The following AQR variants were observed in gnomAD, a reference collection of about 807,000 sequenced individuals.
The protein encoded by AQR is RNA helicase aquarius.
A neutral mutation model predicts 180.5 loss-of-function variants in AQR; 61 were observed. That is an observed-to-expected ratio of 0.34 (90% confidence interval 0.28 to 0.42). The LOEUF is 0.42. Ranked by LOEUF, AQR falls within the 10% of genes least tolerant of loss-of-function variation. The pLI, the probability that AQR is intolerant of heterozygous loss-of-function variation, is 1.00. For missense variants in AQR, 1,281 were observed against 1,798.3 expected, an observed-to-expected ratio of 0.71 and a Z score of 5.20; for synonymous variants, 551 against 588.8, an observed-to-expected ratio of 0.94 and a Z score of 0.93.
intron 4 of AQR, among the ~76,000 whole-genome samples, chr15:34,951,663 G>C (rs1043158621): frequency 1.5e-5 from 2 of 135,542 alleles, no homozygotes; most frequent in Non-Finnish European, 3.1e-5. Flanking sequence ...GAGCGAGACT[G>C]TCTCAAAAAA....
At position 34,852,332 on chromosome 15, in the gene AQR, G is replaced by C. The variant is rs1051139418; in HGVS notation, c.*4460C>G. The C allele has an allele frequency of 6.6e-6, 1 of 152,122 alleles. No individual in the cohort carries two copies. Among genetic ancestry groups the C allele is most frequent in the Non-Finnish European group, 1.5e-5 (1 of 68,062 alleles). The allele number at this position is 152,122 out of a possible 1,614,324, so 9.4% of individuals were successfully genotyped here. A position where few individuals can be genotyped will look rare whatever the true frequency, so the allele number is the denominator to read the frequency against. On this transcript the variant is annotated 3_prime_UTR_variant, in exon 35 of 35. Transcript: ENST00000156471. ...ACTACAGGTGCCTGCCACCATGGCT[G>C]GCTAATTTTTGTCTTTTTAGTAGAG...
chr15:34,940,627 G>C (rs1048151054), intron 8 of AQR, among the ~76,000 whole-genome samples: 1 of 152,160 alleles, frequency 6.6e-6, no homozygotes, highest in Non-Finnish European at 1.5e-5. Context: ...ATCCATGAGG[G>C]AGACGGACAA....
intron 14 of AQR, 113 bp downstream of exon 14, chr15:34,920,219 T>TTATC: frequency 1.5e-6 from 1 of 664,078 alleles, no homozygotes; most frequent in Non-Finnish European, 2.5e-6. Context: ...AAAATGGGAA[T>TTATC]TATCTGCCTA....
chr15:34,918,477 C>T, intron 14 of AQR, 99 bp from the exon 15 acceptor site: 1 of 1,401,926 alleles, frequency 7.1e-7, no homozygotes, highest in Non-Finnish European at 9.6e-7. Flanking sequence ...GTTATTGTAG[C>T]AGTTCAACAA....
At chr15:34,964,390 A>G in intron 1 of AQR, 100 bp from the exon 2 acceptor site, 5 of 957,050 alleles carry the variant, frequency 5.2e-6, no homozygotes, top group Non-Finnish European at 8.3e-6. Context: ...ACAAGGCCCT[A>G]CTCGGCACTG....
intron 6 of AQR, chr15:34,943,094 T>A (rs910755516): frequency 1.9e-6 from 3 of 1,611,596 alleles, no homozygotes; most frequent in Non-Finnish European, 2.5e-6. Context: ...TTAACGTCCC[T>A]AAAACCCGCC....
Position 34,910,291 on chromosome 15 carries a change from C to G in AQR, c.1507G>C (p.Val503Leu), listed in dbSNP as rs781109143. ...KPWQSEYGGVVFGGWARMAQP... is the reference protein window; with the variant it reads ...KPWQSEYGGVLFGGWARMAQP... ...GCCATTCGCGCCCAACCACCAAACA[C>G]TACACCGCCATATTCAGATTGCCTG... Residue 503 changes from valine (V) to leucine (L), a missense_variant, in exon 17 of 35, where the codon GTG (valine) becomes CTG (leucine). This residue lies in a region of AQR where 200 missense variants were observed against 293.4 expected (regional missense o/e 0.68). Coordinates refer to ENST00000156471, the MANE Select transcript of AQR (RefSeq NM_014691.3). 6.2e-7 allele frequency: 1 copy of G among 1,613,880 alleles called. No homozygotes were observed. The highest frequency in any genetic ancestry group is 1.3e-5 in the African/African-American group (1 of 74,928).
In AQR at chr15:34,964,218, A is replaced by G; in HGVS notation, c.132+16T>C. On this transcript the variant is annotated intron_variant, in intron 2 of 34. Coordinates refer to ENST00000156471, the MANE Select transcript of AQR (RefSeq NM_014691.3). ...TGTAACTTCTCAAGAATTATGTTGA[A>G]ACCAAAAATACTTACCTTTATATCA... The G allele has an allele frequency of 6.3e-7, 1 of 1,578,128 alleles. No individual in the cohort carries two copies. Among genetic ancestry groups the G allele is most frequent in the Non-Finnish European group, 8.7e-7 (1 of 1,150,354 alleles).
intron 33 of AQR, 36 bp downstream of exon 33, chr15:34,862,831 G>A (rs1165936539): frequency 1.2e-6 from 2 of 1,604,990 alleles, no homozygotes; most frequent in Admixed American, 1.7e-5. Context: ...CCACTCTGAG[G>A]AATGCTGTTT....
chr15:34,939,318 C>T (rs1039975428), intron 8 of AQR, among the ~76,000 whole-genome samples: 26 of 152,156 alleles, frequency 1.7e-4, no homozygotes, highest in African/African-American at 6.0e-4. Context: ...CCACCCGCCT[C>T]GGCCTCCCAA....
In AQR at chr15:34,961,014, A is replaced by C. The variant is rs1399165678; in HGVS notation, c.133-200T>G. Among the ~76,000 whole-genome samples the C allele has an allele frequency of 6.6e-5, 10 of 152,214 alleles. 1 individual carries two copies. The highest frequency in any genetic ancestry group is 6.5e-4 in the Admixed American group (10 of 15,272). On this transcript the variant is annotated intron_variant, in intron 2 of 34. Transcript: ENST00000156471. Reference sequence around the variant, plus strand: ...GAAATTAACAGAAAGCAAAGTAGAAAAAACAAATAATAAAACAGAGCCCTA... The same window carrying C: ...GAAATTAACAGAAAGCAAAGTAGAACAAACAAATAATAAAACAGAGCCCTA...
intron 31 of AQR, among the ~76,000 whole-genome samples, 188 bp downstream of exon 31, chr15:34,870,564 T>C (rs1342036083): frequency 6.6e-6 from 1 of 152,176 alleles, no homozygotes; most frequent in Non-Finnish European, 1.5e-5. Context: ...AAATATCTTT[T>C]ATGTGGTAGC....
intron 1 of AQR, among the ~76,000 whole-genome samples, chr15:34,967,153 G>C (rs1375580561): frequency 4.0e-5 from 6 of 150,866 alleles, no homozygotes; most frequent in African/African-American, 1.5e-4. Context: ...TGGGATTACA[G>C]GTGTAATCCC....
intron 8 of AQR, among the ~76,000 whole-genome samples, chr15:34,940,518 G>A (rs1332751902): frequency 6.6e-6 from 1 of 152,116 alleles, no homozygotes. Context: ...CAACAAGAGC[G>A]AAACTCCGTC....
chr15:34,860,364 G>C (rs946585945), intron 33 of AQR, among the ~76,000 whole-genome samples: 1 of 151,760 alleles, frequency 6.6e-6, no homozygotes, highest in Non-Finnish European at 1.5e-5. Context: ...AATAAAAAGG[G>C]GGCCCAGGTC....
At chr15:34,964,705 G>A (rs36067547) in intron 1 of AQR, among the ~76,000 whole-genome samples, 92,455 of 150,308 alleles carry the variant, frequency 0.62, 30,508 homozygotes, top group South Asian at 0.75. Context: ...CTTCATGAAT[G>A]CTTTCCTAAA....
intron 23 of AQR, 117 bp downstream of exon 23, chr15:34,893,546 T>G: frequency 1.3e-6 from 1 of 759,420 alleles, no homozygotes; most frequent in Non-Finnish European, 2.1e-6. Flanking sequence ...GAACTTATTG[T>G]GTCCCACACT....
intron 27 of AQR, among the ~76,000 whole-genome samples, chr15:34,879,637 T>TA (rs1195346966): frequency 1.3e-5 from 2 of 152,152 alleles, no homozygotes; most frequent in African/African-American, 2.4e-5. Flanking sequence ...AACCTGGTGT[T>TA]AGAGTATTGG....
chr15:34,890,501 T>C (rs1893127994), intron 23 of AQR, among the ~76,000 whole-genome samples, 177 bp from the exon 24 acceptor site: 1 of 152,248 alleles, frequency 6.6e-6, no homozygotes, highest in Non-Finnish European at 1.5e-5. Flanking sequence ...TTTGGCTGTA[T>C]GGATAACTAG....
Sources: gnomAD v4.1 joint callset for allele counts (sites outside exome capture counted in the v4.1 genomes callset) on GRCh38, gnomAD v4.1.1 for gene constraint, gnomAD v4.1.1 regional missense constraint, MANE v1.5 for transcripts, NCBI Gene and HGNC (gene_info 2026-07-23, HGNC 2026-07-21) for gene names.